Variants in PIP5K1B observed in about 807,000 individuals in gnomAD.
The protein encoded by PIP5K1B is phosphatidylinositol 4-phosphate 5-kinase type-1 beta.
Under a neutral mutation model 67.0 loss-of-function variants are expected in PIP5K1B, and 42 were observed. That is an observed-to-expected ratio of 0.63 (90% CI 0.49 to 0.81). The LOEUF is 0.81. Ranked by LOEUF, PIP5K1B falls within the 30% of genes least tolerant of loss-of-function variation. The pLI, the probability that PIP5K1B is intolerant of heterozygous loss-of-function variation, is 0.00. For synonymous variants in PIP5K1B, 214 were observed against 231.4 expected (o/e 0.92, Z 0.68); for missense variants, 459 against 646.3 (o/e 0.71, Z 3.14).
intron 4 of PIP5K1B, among the ~76,000 whole-genome samples, chr9:68,851,900 T>G (rs754559751): frequency 4.6e-5 from 7 of 152,348 alleles, no homozygotes; most frequent in Non-Finnish European, 8.8e-5. Context: ...GCCGTGTGGC[T>G]TATCCTTACT....
chr9:68,902,398 C>T (rs1394783692), intron 8 of PIP5K1B, among the ~76,000 whole-genome samples: 1 of 152,104 alleles, frequency 6.6e-6, no homozygotes, highest in African/African-American at 2.4e-5. Flanking sequence ...TTTTTTTACT[C>T]AGCATAATGC....
chr9:68,989,094 C>CA (rs71353097), intron 14 of PIP5K1B, among the ~76,000 whole-genome samples: 11,152 of 55,932 alleles, frequency 0.2, 3,152 homozygotes, highest in African/African-American at 0.34. Flanking sequence ...GACTCCGTCT[C>CA]AAAAAAAAAA....
At chr9:68,943,162 C>T (rs1827645227) in intron 14 of PIP5K1B, among the ~76,000 whole-genome samples, 1 of 152,176 alleles carries the variant, frequency 6.6e-6, no homozygotes, top group South Asian at 2.1e-4. Context: ...TCTTCGTCAC[C>T]ATATAATTTT....
At chr9:69,000,543 G>C (rs1049259738) in intron 15 of PIP5K1B, among the ~76,000 whole-genome samples, 12 of 152,150 alleles carry the variant, frequency 7.9e-5, no homozygotes, top group Non-Finnish European at 5.9e-5. Flanking sequence ...TGAGGGCTGT[G>C]AGGCAAGGAT....
intron 15 of PIP5K1B, among the ~76,000 whole-genome samples, chr9:69,002,719 A>G (rs1830877683): frequency 6.6e-6 from 1 of 152,220 alleles, no homozygotes; most frequent in African/African-American, 2.4e-5. Flanking sequence ...ATGGTGGCTC[A>G]TGCCTGTAAT....
chr9:68,967,027 A>G (rs188420755), intron 14 of PIP5K1B, among the ~76,000 whole-genome samples: 1 of 152,332 alleles, frequency 6.6e-6, no homozygotes, highest in East Asian at 1.9e-4. Context: ...ATAGAATCCC[A>G]ATCCATATAA....
chr9:68,962,263 T>TA (rs1433540626), intron 14 of PIP5K1B, among the ~76,000 whole-genome samples: 1 of 138,172 alleles, frequency 7.2e-6, no homozygotes, highest in South Asian at 2.3e-4. Context: ...CTGTTTTGTG[T>TA]AAAATCAAAA....
At chr9:68,738,793 C>T (rs1828863836) in intron 1 of PIP5K1B, among the ~76,000 whole-genome samples, 1 of 152,220 alleles carries the variant, frequency 6.6e-6, no homozygotes, top group Admixed American at 6.5e-5. Flanking sequence ...TCCTTCAGAT[C>T]ACCCTTCTTC....
intron 1 of PIP5K1B, among the ~76,000 whole-genome samples, chr9:68,738,686 C>G (rs947268574): frequency 2.0e-5 from 3 of 152,210 alleles, no homozygotes; most frequent in Non-Finnish European, 4.4e-5. Flanking sequence ...GGCCAAATTT[C>G]TAGACTTTTA....
At chr9:68,931,655 A>G (rs1490649348) in intron 12 of PIP5K1B, among the ~76,000 whole-genome samples, 1 of 152,240 alleles carries the variant, frequency 6.6e-6, no homozygotes, top group Non-Finnish European at 1.5e-5. Flanking sequence ...GGGCATCTCA[A>G]GGAGAAAGAA....
chr9:68,758,504 GA>G (rs1830041690), intron 2 of PIP5K1B, among the ~76,000 whole-genome samples: 1 of 152,148 alleles, frequency 6.6e-6, no homozygotes, highest in Non-Finnish European at 1.5e-5. Context: ...TAACTGAACA[GA>G]GGTGAAAGAG....
At position 68,822,619 on chromosome 9, in the gene PIP5K1B, C is replaced by T. The variant is rs1158718738; in HGVS notation, c.5C>T (p.Ser2Phe). 3 of 1,611,880 alleles carry T rather than the reference C, an allele frequency of 1.9e-6. No homozygotes were observed. The highest frequency in any genetic ancestry group is 8.5e-7 in the Non-Finnish European group (1 of 1,178,366). Residue 2 changes from serine (S) to phenylalanine (F), a missense_variant, in exon 4 of 16, where the codon TCT (serine) becomes TTT (phenylalanine). Ser to Phe is a radical substitution (Grantham distance 155). Coordinates refer to ENST00000265382, the MANE Select transcript of PIP5K1B (RefSeq NM_003558.4). ...GGCAGTGTGTTTCTCTTGTAGATGT[C>T]TTCTGCTGCTGAAAATGGAGAGGCA... MSSAAENGEAAP... is the reference protein window; with the variant it reads MFSAAENGEAAP...
chr9:68,790,868 T>C (rs1345095964), intron 2 of PIP5K1B, among the ~76,000 whole-genome samples: 2 of 152,234 alleles, frequency 1.3e-5, no homozygotes, highest in South Asian at 2.1e-4. Flanking sequence ...AAGTATTTGG[T>C]ACTTGTACCT....
intron 15 of PIP5K1B, among the ~76,000 whole-genome samples, chr9:68,998,218 A>G (rs763479661): frequency 6.6e-6 from 1 of 151,684 alleles, no homozygotes; most frequent in Non-Finnish European, 1.5e-5. Context: ...CTACAGACTC[A>G]CACCACCATG....
intron 2 of PIP5K1B, among the ~76,000 whole-genome samples, chr9:68,794,595 A>C (rs1051727042): frequency 1.3e-5 from 2 of 151,996 alleles, no homozygotes; most frequent in African/African-American, 4.8e-5. Flanking sequence ...TTCCACTTAT[A>C]AATTGAAATA....
chr9:68,752,623 G>A (rs1347270411), intron 2 of PIP5K1B, among the ~76,000 whole-genome samples: 5 of 151,240 alleles, frequency 3.3e-5, no homozygotes, highest in Non-Finnish European at 5.9e-5. Flanking sequence ...ATGTTTCTAG[G>A]GGACTGCAAA....
At chr9:68,770,892 T>C (rs918178657) in intron 2 of PIP5K1B, among the ~76,000 whole-genome samples, 11 of 151,792 alleles carry the variant, frequency 7.2e-5, no homozygotes, top group Admixed American at 6.6e-4. Context: ...GTGGAACATA[T>C]AGCGGAAATG....
At chr9:68,994,084 AG>A (rs1304890925) in intron 15 of PIP5K1B, among the ~76,000 whole-genome samples, 15 of 122,062 alleles carry the variant, frequency 1.2e-4, no homozygotes, top group Non-Finnish European at 9.6e-5. Flanking sequence ...CTTGTCGCCC[AG>A]GCTGGAGTGC....
chr9:68,950,627 T>G (rs1828018573), intron 14 of PIP5K1B, among the ~76,000 whole-genome samples: 1 of 152,226 alleles, frequency 6.6e-6, no homozygotes, highest in Non-Finnish European at 1.5e-5. Context: ...ACTTCCAGGT[T>G]CATGTTACCA....
Sources: gnomAD v4.1 joint callset for allele counts (sites outside exome capture counted in the v4.1 genomes callset) on GRCh38, gnomAD v4.1.1 for gene constraint, MANE v1.5 for transcripts, NCBI Gene and HGNC (gene_info 2026-07-23, HGNC 2026-07-21) for gene names.